UGGT1: variants seen among roughly 807,000 people sequenced by gnomAD.
UGGT1 encodes the protein UDP-glucose glycoprotein glucosyltransferase 1, also known as UDP-glucose:glycoprotein glucosyltransferase 1.
In UGGT1, 107 loss-of-function variants were observed where a neutral mutation model predicts 203.9. The observed-to-expected ratio is 0.52, with a 90% CI of 0.45 to 0.62. The LOEUF (loss-of-function observed/expected upper bound fraction) is 0.62. Among genes scored for constraint, UGGT1 ranks in the 20% least tolerant of loss-of-function variants. The pLI is 0.00. For synonymous variants in UGGT1, 628 were observed against 653.5 expected (o/e 0.96, Z 0.59); for missense variants, 1,673 against 1,867.2 (o/e 0.90, Z 1.92).
At chr2:128,134,224 C>T (rs546032871) in intron 14 of UGGT1, among the ~76,000 whole-genome samples, 16 of 152,188 alleles carry the variant, frequency 1.1e-4, no homozygotes, top group East Asian at 1.9e-4. Context: ...TTAGTAGAGA[C>T]GGGGTTTCAC....
chr2:128,100,261 A>C (rs1355397517), intron 2 of UGGT1, among the ~76,000 whole-genome samples: 5 of 151,556 alleles, frequency 3.3e-5, no homozygotes, highest in Non-Finnish European at 7.4e-5. Flanking sequence ...GCTGGTCTGA[A>C]CTCCTGACCT....
intron 12 of UGGT1, among the ~76,000 whole-genome samples, chr2:128,128,622 A>G (rs568829219): frequency 1.3e-5 from 2 of 152,228 alleles, no homozygotes; most frequent in South Asian, 2.1e-4. Context: ...CTTCATCTCT[A>G]TCTCTTCTGT....
chr2:128,179,487 CT>C (rs1461727573), intron 34 of UGGT1, among the ~76,000 whole-genome samples: 6 of 152,250 alleles, frequency 3.9e-5, no homozygotes, highest in Non-Finnish European at 5.9e-5. Flanking sequence ...TGGACCATAA[CT>C]AATATATCAG....
intron 21 of UGGT1, 108 bp downstream of exon 21, chr2:128,156,523 G>T: frequency 3.7e-6 from 3 of 811,232 alleles, no homozygotes; most frequent in Middle Eastern, 3.3e-4. Context: ...TCCGGAATCT[G>T]TGGGTAACAG....
In UGGT1 at chr2:128,179,655, C is replaced by T. The variant is rs907936437; in HGVS notation, c.3816-131C>T. ...TTCATTTTCCATCACTGAGCGTCTC[C>T]CTCGGCCTAATTGAGCCATTAGTTA... On this transcript the variant is annotated intron_variant, in intron 34 of 40. Coordinates refer to ENST00000259253, the MANE Select transcript of UGGT1 (RefSeq NM_020120.4). 10 of 679,180 alleles carry T rather than the reference C, an allele frequency of 1.5e-5. No homozygotes were observed. The African/African-American group carries it at 1.9e-4, about 13-fold the overall frequency. 42.1% of individuals were successfully genotyped at this position (679,180 alleles called of 1,614,324 possible).
chr2:128,160,926 C>T (rs1383079384), intron 24 of UGGT1, among the ~76,000 whole-genome samples: 7 of 152,126 alleles, frequency 4.6e-5, no homozygotes, highest in African/African-American at 1.7e-4. Flanking sequence ...TTTACTTTGT[C>T]CTTGAGGAAT....
At chr2:128,175,991 T>C (rs1294317893) in intron 31 of UGGT1, among the ~76,000 whole-genome samples, 3 of 152,224 alleles carry the variant, frequency 2.0e-5, no homozygotes, top group Non-Finnish European at 4.4e-5. Flanking sequence ...TGCCTGCAAA[T>C]AGAATTTGTT....
At chr2:128,165,943 A>G (rs1690771304) in intron 26 of UGGT1, among the ~76,000 whole-genome samples, 1 of 151,974 alleles carries the variant, frequency 6.6e-6, no homozygotes, top group Admixed American at 6.6e-5. Context: ...TGTATTTTTT[A>G]TAGAGATGGG....
At position 128,194,045 on chromosome 2, in the gene UGGT1, G is replaced by C. The variant is rs1692402472; in HGVS notation, c.*4303G>C. On this transcript the variant is annotated 3_prime_UTR_variant, in exon 41 of 41. Coordinates refer to ENST00000259253, the MANE Select transcript of UGGT1 (RefSeq NM_020120.4). ...GCTTTCTCTTGGTAACAAAAATGGA[G>C]GGTGTATTATGTGCAGTTATTTAAA... The C allele has an allele frequency of 6.6e-6, 1 of 152,160 alleles. No individual in the cohort carries two copies. Among genetic ancestry groups the C allele is most frequent in the Non-Finnish European group, 1.5e-5 (1 of 68,024 alleles). The allele number at this position is 152,160 out of a possible 1,614,324, so 9.4% of individuals were successfully genotyped here.
chr2:128,188,861 C>T (rs1406529094), intron 40 of UGGT1, among the ~76,000 whole-genome samples: 1 of 152,216 alleles, frequency 6.6e-6, no homozygotes, highest in African/African-American at 2.4e-5. Context: ...TTTGCCTATA[C>T]ATCCCTCAGA....
At chr2:128,163,517 C>T (rs574707602) in intron 25 of UGGT1, among the ~76,000 whole-genome samples, 3 of 151,144 alleles carry the variant, frequency 2.0e-5, no homozygotes, top group African/African-American at 7.3e-5. Flanking sequence ...AGATCGAGAC[C>T]ATCTTGGCTA....
At chr2:128,179,754 G>C in intron 34 of UGGT1, 32 bp from the exon 35 acceptor site, 1 of 1,556,950 alleles carries the variant, frequency 6.4e-7, no homozygotes, top group Non-Finnish European at 8.8e-7. Context: ...ACATTGGAAA[G>C]CTGTTATTAA....
rs1369669640 is a variant in UGGT1 at position 128,159,362 on chromosome 2, G to A, written c.2356-152G>A. ...GGTCCGCCCGCTTTGGCTTTCCAAAGTGCTGGGATTACAGGCATGAGCCAC... is the reference window on the plus strand; with the variant it reads ...GGTCCGCCCGCTTTGGCTTTCCAAAATGCTGGGATTACAGGCATGAGCCAC... On this transcript the variant is annotated intron_variant, in intron 22 of 40. Transcript: ENST00000259253. The A allele has an allele frequency of 7.2e-6, 5 of 690,812 alleles. No homozygotes were observed. The Admixed American group carries it at 1.4e-4, about 19-fold the overall frequency. The allele number at this position is 690,812 out of a possible 1,614,324, so 42.8% of individuals were successfully genotyped here.
chr2:128,136,138 G>A (rs961098261), intron 15 of UGGT1, among the ~76,000 whole-genome samples: 1 of 152,206 alleles, frequency 6.6e-6, no homozygotes, highest in Non-Finnish European at 1.5e-5. Flanking sequence ...AATAGTTGGA[G>A]AGAGCCAGGC....
At chr2:128,127,057 C>T (rs1369365763) in intron 11 of UGGT1, among the ~76,000 whole-genome samples, 4 of 152,150 alleles carry the variant, frequency 2.6e-5, no homozygotes, top group African/African-American at 7.2e-5. Context: ...ATTCCTCTCT[C>T]TCGGAAGAAA....
In UGGT1 at chr2:128,139,634, G is replaced by T. The variant is rs193239080; in HGVS notation, c.1719+782G>T. ...GGTTGGCAGGTGACAGTCAGCAGGG[G>T]ATCTGGCCTAGGGCTGAAGGGGCGC... On this transcript the variant is annotated intron_variant, in intron 16 of 40. Transcript: ENST00000259253. Among the ~76,000 whole-genome samples, 111 of 152,282 alleles carry T rather than the reference G, an allele frequency of 7.3e-4. 1 individual carries two copies. Among genetic ancestry groups the T allele is most frequent in the Non-Finnish European group, 1.3e-3 (88 of 68,014 alleles).
chr2:128,118,587 T>G (rs1287940565), intron 8 of UGGT1, among the ~76,000 whole-genome samples: 1 of 152,194 alleles, frequency 6.6e-6, no homozygotes, highest in Non-Finnish European at 1.5e-5. Flanking sequence ...TTCACATTTG[T>G]GGTGTTTATG....
intron 1 of UGGT1, 151 bp downstream of exon 1, chr2:128,091,566 C>T (rs914687092): frequency 3.9e-5 from 56 of 1,441,638 alleles, no homozygotes; most frequent in Non-Finnish European, 4.9e-5. Flanking sequence ...CGCGAGCGCC[C>T]CGAGTTGCCC....
At chr2:128,122,098 A>T (rs935285838) in intron 10 of UGGT1, among the ~76,000 whole-genome samples, 2 of 152,136 alleles carry the variant, frequency 1.3e-5, no homozygotes, top group African/African-American at 4.8e-5. Context: ...TTGGTGGCTC[A>T]TGCCTGTAAT....
Sources: allele counts gnomAD v4.1 joint callset (sites outside exome capture counted in the v4.1 genomes callset), GRCh38; gene constraint gnomAD v4.1.1; transcripts MANE v1.5; gene names NCBI Gene and HGNC (gene_info 2026-07-23, HGNC 2026-07-21).